The following TMCO1 variants were observed in gnomAD, a reference collection of about 807,000 sequenced individuals.
TMCO1 encodes the protein transmembrane and coiled-coil domains 1, also known as calcium load-activated calcium channel.
Under a neutral mutation model 29.3 loss-of-function variants are expected in TMCO1, and 29 were observed. The observed-to-expected ratio is 0.99, with a 90% confidence interval of 0.74 to 1.35. TMCO1 has a LOEUF of 1.35. TMCO1 is among the 40% of genes most tolerant of loss of function. The pLI, the probability that TMCO1 is intolerant of heterozygous loss-of-function variation, is 0.00. For missense variants in TMCO1, 173 were observed against 225.5 expected (o/e 0.77, Z 1.49); for synonymous variants, 80 against 77.1 (o/e 1.04, Z -0.20).
rs778089145 is a variant in TMCO1 at position 165,768,819 on chromosome 1, C to T, written c.-68G>A. The T allele has an allele frequency of 1.9e-6, 3 of 1,608,420 alleles. No individual in the cohort carries two copies. The highest frequency in any genetic ancestry group is 1.3e-5 in the African/African-American group (1 of 74,842). The stretch of plus-strand genomic sequence containing the variant: ...CGCTCTACAGCCAGGAAAAGTGAAG[C>T]GAAAACGGCTTCCGTAGACTCCGCC... On this transcript the variant is annotated 5_prime_UTR_variant, in exon 1 of 7. Coordinates refer to ENST00000367881, the MANE Select transcript of TMCO1 (RefSeq NM_019026.6).
intron 2 of TMCO1, among the ~76,000 whole-genome samples, chr1:165,762,893 A>G (rs1287566512): frequency 6.6e-6 from 1 of 152,208 alleles, no homozygotes; most frequent in Non-Finnish European, 1.5e-5. Context: ...TTTTTCATTT[A>G]TTGAAGTATC....
At chr1:165,725,929 A>C (rs1156608657), downstream of TMCO1, 1 of 640,606 alleles carries the variant, frequency 1.6e-6, no homozygotes, top group South Asian at 1.5e-5. Flanking sequence ...CTCCTTTTTA[A>C]CTTCTCCCTC....
At chr1:165,762,916 T>C (rs551092685) in intron 2 of TMCO1, among the ~76,000 whole-genome samples, 19 of 152,308 alleles carry the variant, frequency 1.2e-4, no homozygotes, top group East Asian at 1.9e-4. Flanking sequence ...TTCATTAGTA[T>C]ATATTATAAT....
intron 5 of TMCO1, among the ~76,000 whole-genome samples, chr1:165,750,538 T>A (rs1437179719): frequency 9.1e-6 from 1 of 109,318 alleles, no homozygotes; most frequent in Non-Finnish European, 1.8e-5. Context: ...CAAAACTCCG[T>A]CTCAAAAAAA....
rs368705244 is a variant in TMCO1 at position 165,754,208 on chromosome 1, G to A, written c.255+20C>T. 7.6e-5 allele frequency: 121 copies of A among 1,594,274 alleles called. No homozygotes were observed. The highest frequency in any genetic ancestry group is 9.5e-5 in the Non-Finnish European group (111 of 1,162,726). On this transcript the variant is annotated intron_variant, in intron 4 of 6. Transcript: ENST00000367881. ...AAAATATTATGTGGTTAACCATGAAGTTATAGTTAGGTCTCTTACCATTGA... is the reference window on the plus strand; with the variant it reads ...AAAATATTATGTGGTTAACCATGAAATTATAGTTAGGTCTCTTACCATTGA...
intron 2 of TMCO1, among the ~76,000 whole-genome samples, chr1:165,762,361 ATTTC>A: frequency 6.6e-6 from 1 of 152,282 alleles, no homozygotes; most frequent in East Asian, 1.9e-4. Context: ...AAACAAAAAT[ATTTC>A]TTTCCCACCC....
intron 3 of TMCO1, 67 bp from the exon 4 acceptor site, chr1:165,754,341 G>GTTAAATCACCAA: frequency 7.9e-7 from 1 of 1,271,682 alleles, no homozygotes; most frequent in South Asian, 1.2e-5. Flanking sequence ...TAAATAAACT[G>GTTAAATCACCAA]TCACTGATTG....
intron 4 of TMCO1, among the ~76,000 whole-genome samples, chr1:165,752,718 T>C (rs1055806146): frequency 5.8e-4 from 87 of 150,988 alleles, no homozygotes; most frequent in Middle Eastern, 3.4e-3. Flanking sequence ...CACTTGAACC[T>C]GAGAGGCGGA....
downstream of TMCO1, chr1:165,724,731 A>G (rs1477776765): frequency 4.4e-6 from 2 of 453,404 alleles, no homozygotes; most frequent in Non-Finnish European, 8.8e-6. Flanking sequence ...GATTCCAAAA[A>G]ACTGCAAAAA....
intron 5 of TMCO1, among the ~76,000 whole-genome samples, chr1:165,746,489 A>ACACACACACACACACAC (rs1553250046): frequency 4.7e-5 from 7 of 148,256 alleles, no homozygotes; most frequent in South Asian, 2.2e-4. Context: ...ACACACACAC[A>ACACACACACACACACAC]GCATCTAGTA....
chr1:165,732,475 GTT>G (rs1228145407), intron 6 of TMCO1, among the ~76,000 whole-genome samples: 30 of 124,592 alleles, frequency 2.4e-4, no homozygotes, highest in African/African-American at 1.0e-3. Flanking sequence ...TGAGCAAATG[GTT>G]TCTCTCTCTC....
chr1:165,767,418 A>G (rs987095436), intron 2 of TMCO1, among the ~76,000 whole-genome samples: 7 of 152,168 alleles, frequency 4.6e-5, no homozygotes, highest in Non-Finnish European at 7.4e-5. Context: ...CTTTTCCTTA[A>G]ACACCTCTTC....
At chr1:165,766,959 C>A (rs1020536200) in intron 2 of TMCO1, among the ~76,000 whole-genome samples, 1 of 151,982 alleles carries the variant, frequency 6.6e-6, no homozygotes, top group East Asian at 1.9e-4. Context: ...GTAAAGATAA[C>A]GAGTTTGGCC....
chr1:165,743,270 A>T lies in TMCO1; in HGVS notation c.365T>A (p.Leu122His). Residue 122 changes from leucine (L) to histidine (H), a missense_variant, in exon 6 of 7, where the codon CTT becomes CAT. Leu to His is a moderately conservative substitution (Grantham distance 99). Coordinates refer to ENST00000367881, the MANE Select transcript of TMCO1 (RefSeq NM_019026.6). ...RVVAKLPFTPLSYIQGLSHRN... is the reference protein window; with the variant it reads ...RVVAKLPFTPHSYIQGLSHRN... ...ATGAGACAGTCCTTGGATGTAAGAA[A>T]GAGGGGTAAAAGGAAGCTTTGCCAC... is the stretch of plus-strand genomic sequence containing the variant. 2 of 1,613,972 alleles carry T rather than the reference A, an allele frequency of 1.2e-6. No individual in the cohort carries two copies. Among genetic ancestry groups the T allele is most frequent in the Non-Finnish European group, 1.7e-6 (2 of 1,179,948 alleles).
intron 6 of TMCO1, among the ~76,000 whole-genome samples, chr1:165,728,357 C>G (rs567462875): frequency 6.6e-6 from 1 of 151,494 alleles, no homozygotes; most frequent in Non-Finnish European, 1.5e-5. Context: ...CCCAGGTTCA[C>G]GTCATTCTCC....
chr1:165,761,169 ATTTGTGTGTG>A (rs1215949887), intron 2 of TMCO1, among the ~76,000 whole-genome samples: 1 of 138,228 alleles, frequency 7.2e-6, no homozygotes, highest in African/African-American at 2.5e-5. Flanking sequence ...TGTTTTGTGT[ATTTGTGTGTG>A]TGTGTGTGTG....
chr1:165,724,562 C>A (rs1255188835), downstream of TMCO1: 1 of 454,118 alleles, frequency 2.2e-6, no homozygotes, highest in Non-Finnish European at 4.4e-6. Flanking sequence ...GACTCCACAG[C>A]AGACTTACAG....
intron 5 of TMCO1, among the ~76,000 whole-genome samples, chr1:165,750,266 G>A (rs376468624): frequency 6.6e-5 from 10 of 152,120 alleles, no homozygotes; most frequent in East Asian, 3.9e-4. Flanking sequence ...CTGGCCAGGC[G>A]CAATGGCTCA....
intron 6 of TMCO1, among the ~76,000 whole-genome samples, chr1:165,732,047 T>G (rs1264614950): frequency 6.6e-6 from 1 of 152,338 alleles, no homozygotes; most frequent in East Asian, 1.9e-4. Flanking sequence ...TCAGACAGAT[T>G]TCCCCTGCTT....
Sources: gnomAD v4.1 joint callset for allele counts (sites outside exome capture counted in the v4.1 genomes callset) on GRCh38, gnomAD v4.1.1 for gene constraint, MANE v1.5 for transcripts, NCBI Gene and HGNC (gene_info 2026-07-23, HGNC 2026-07-21) for gene names.